The following SPAG17 variants were observed in gnomAD, a reference collection of about 807,000 sequenced individuals.
SPAG17 encodes the protein sperm-associated antigen 17.
A neutral mutation model predicts 273.6 loss-of-function variants in SPAG17; 169 were observed. That is an observed-to-expected ratio of 0.62 (90% CI 0.55 to 0.70). The LOEUF (loss-of-function observed/expected upper bound fraction) is 0.70, where lower values mean the gene tolerates loss of function less well. SPAG17 is among the 30% of genes least tolerant of loss of function. The probability of loss-of-function intolerance (pLI) is 0.00; values close to 1 mark genes in which losing one functional copy is unlikely to be tolerated. For synonymous variants in SPAG17, 825 were observed against 873.2 expected (o/e 0.94, Z 0.97); for missense variants, 2,557 against 2,627.8 (o/e 0.97, Z 0.59).
chr1:118,081,693 G>A (rs1654587459), intron 13 of SPAG17, 51 bp from the exon 14 acceptor site: 3 of 1,467,064 alleles, frequency 2.0e-6, no homozygotes, highest in East Asian at 4.5e-5. Flanking sequence ...TTAGCACATG[G>A]TACAGGGTTG....
intron 7 of SPAG17, among the ~76,000 whole-genome samples, chr1:118,094,388 G>A (rs1209379028): frequency 6.6e-6 from 1 of 152,204 alleles, no homozygotes; most frequent in African/African-American, 2.4e-5. Flanking sequence ...AACTTGAAAT[G>A]TTGCCAATGT....
chr1:117,962,752 T>C (rs890147843), intron 48 of SPAG17: 2 of 152,258 alleles, frequency 1.3e-5, no homozygotes, highest in Non-Finnish European at 2.9e-5. Flanking sequence ...TAAAGATATC[T>C]AGCAAATCTC....
chr1:117,983,909 T>C lies in SPAG17; in HGVS notation c.5774A>G (p.Asn1925Ser). 6.3e-7 allele frequency: 1 copy of C among 1,595,736 alleles called. No homozygotes were observed. Among genetic ancestry groups the C allele is most frequent in the Non-Finnish European group, 8.6e-7 (1 of 1,166,030 alleles). Residue 1925 changes from asparagine to serine, a missense_variant, in exon 42 of 49, where the codon AAT becomes AGT. Asn to Ser is a conservative substitution (Grantham distance 46). Transcript: ENST00000336338. ...ELNQLYQSQY[N>S]HLDSLSKKLP... Reference sequence around the variant, plus strand: ...TTTTTTGGAAAGACTGTCCAGGTGATTATACTGAAAGGAAAAAAAAACTTA... The same window carrying C: ...TTTTTTGGAAAGACTGTCCAGGTGACTATACTGAAAGGAAAAAAAAACTTA...
chr1:118,171,042 G>A (rs1660394634), intron 1 of SPAG17, among the ~76,000 whole-genome samples: 1 of 152,164 alleles, frequency 6.6e-6, no homozygotes, highest in Non-Finnish European at 1.5e-5. Flanking sequence ...ATGAGTAGAA[G>A]TAAAGGGCTC....
chr1:118,016,717 C>T (rs548291628), intron 28 of SPAG17, among the ~76,000 whole-genome samples: 2 of 152,306 alleles, frequency 1.3e-5, no homozygotes, highest in East Asian at 3.9e-4. Flanking sequence ...ACGCATATCC[C>T]TGGGGAGAGG....
intron 46 of SPAG17, among the ~76,000 whole-genome samples, chr1:117,968,445 T>A (rs1654153601): frequency 6.6e-6 from 1 of 152,190 alleles, no homozygotes; most frequent in South Asian, 2.1e-4. Context: ...GTTGTGAAGG[T>A]TCTGAAATCT....
chr1:117,978,668 C>A (rs1265765560), intron 43 of SPAG17, among the ~76,000 whole-genome samples: 2 of 152,284 alleles, frequency 1.3e-5, no homozygotes, highest in African/African-American at 4.8e-5. Context: ...TTACCCACTT[C>A]ACTTAGGCTT....
At chr1:118,144,218 A>G (rs964201460) in intron 3 of SPAG17, among the ~76,000 whole-genome samples, 11 of 152,162 alleles carry the variant, frequency 7.2e-5, no homozygotes, top group Non-Finnish European at 1.6e-4. Flanking sequence ...TCCTAAAGCA[A>G]TGGAGCCCTG....
At chr1:118,101,677 C>T in intron 5 of SPAG17, 63 bp downstream of exon 5, 1 of 1,497,446 alleles carries the variant, frequency 6.7e-7, no homozygotes, top group Non-Finnish European at 9.1e-7. Context: ...ATTAACTGGT[C>T]TCATTTTATT....
intron 20 of SPAG17, 136 bp from the exon 21 acceptor site, chr1:118,042,178 C>A (rs1485007325): frequency 1.9e-6 from 2 of 1,033,102 alleles, no homozygotes; most frequent in African/African-American, 1.6e-5. Context: ...GAACTAGAAG[C>A]CTTGACGTCA....
chr1:118,114,032 AG>A (rs1301288799), intron 4 of SPAG17, among the ~76,000 whole-genome samples: 1 of 152,176 alleles, frequency 6.6e-6, no homozygotes, highest in African/African-American at 2.4e-5. Context: ...CGAAGCAAAC[AG>A]AAAGTGCAGA....
At chr1:117,969,710 T>A (rs1654331098) in intron 46 of SPAG17, among the ~76,000 whole-genome samples, 1 of 152,246 alleles carries the variant, frequency 6.6e-6, no homozygotes, top group African/African-American at 2.4e-5. Flanking sequence ...TAATTATTTT[T>A]CACTTCGCAT....
intron 20 of SPAG17, among the ~76,000 whole-genome samples, chr1:118,051,501 G>A (rs1306114272): frequency 2.7e-5 from 4 of 150,528 alleles, no homozygotes; most frequent in Non-Finnish European, 5.9e-5. Context: ...TATCTAGGAC[G>A]CTTACATCCA....
chr1:117,963,656 G>T, intron 48 of SPAG17, 143 bp downstream of exon 48: 1 of 720,708 alleles, frequency 1.4e-6, no homozygotes, highest in Non-Finnish European at 2.2e-6. Flanking sequence ...GAGCCACCGG[G>T]CCCGGCCTAA....
chr1:118,041,821 T>G lies in SPAG17; in HGVS notation c.3036A>C (p.Glu1012Asp). ...EVTEESPHQPEPKITYPFHGY... is the reference protein window; with the variant it reads ...EVTEESPHQPDPKITYPFHGY... ...AGTTTACCGGGTAAGTTATCTTAGGTTCTGGTTGGTGGGGGGACTCTTCTG... is the reference window on the plus strand; with the variant it reads ...AGTTTACCGGGTAAGTTATCTTAGGGTCTGGTTGGTGGGGGGACTCTTCTG... Residue 1012 changes from glutamate to aspartate, a missense_variant, in exon 21 of 49, where the codon GAA becomes GAC. Coordinates refer to ENST00000336338, the MANE Select transcript of SPAG17 (RefSeq NM_206996.4). 6.2e-7 allele frequency: 1 copy of G among 1,612,082 alleles called. No homozygotes were observed. The highest frequency in any genetic ancestry group is 1.1e-5 in the South Asian group (1 of 90,626).
intron 48 of SPAG17, chr1:117,960,109 C>CGTGTGTGTATGTGT (rs557563970): frequency 6.9e-6 from 1 of 144,406 alleles, no homozygotes; most frequent in African/African-American, 2.6e-5. Context: ...TTAATACACT[C>CGTGTGTGTATGTGT]GTGTGTGTGT....
At chr1:117,986,944 T>A (rs1450545069) in intron 40 of SPAG17, among the ~76,000 whole-genome samples, 1 of 148,664 alleles carries the variant, frequency 6.7e-6, no homozygotes, top group Non-Finnish European at 1.5e-5. Context: ...GCCCTTGAAA[T>A]ACCCACAGGA....
intron 15 of SPAG17, among the ~76,000 whole-genome samples, chr1:118,077,257 T>A (rs1018070188): frequency 1.3e-5 from 2 of 152,024 alleles, no homozygotes; most frequent in African/African-American, 4.8e-5. Flanking sequence ...ACAGCTACAA[T>A]GTGACACCAA....
At chr1:118,092,083 C>A (rs1461159303) in intron 8 of SPAG17, 81 bp from the exon 9 acceptor site, 1 of 1,129,404 alleles carries the variant, frequency 8.9e-7, no homozygotes, top group Non-Finnish European at 1.3e-6. Context: ...ATGATGAGAT[C>A]CAACAGGATA....
Sources: allele counts gnomAD v4.1 joint callset (sites outside exome capture counted in the v4.1 genomes callset), GRCh38; gene constraint gnomAD v4.1.1; transcripts MANE v1.5; gene names NCBI Gene and HGNC (gene_info 2026-07-23, HGNC 2026-07-21).